The following ESRRG variants were observed in gnomAD, a reference collection of about 807,000 sequenced individuals.
ESRRG encodes estrogen-related receptor gamma.
A neutral mutation model predicts 44.0 loss-of-function variants in ESRRG; 13 were observed. The ratio of observed to expected loss-of-function variants is 0.30; its 90% confidence interval spans 0.19 to 0.47. ESRRG has a LOEUF of 0.47. Among genes scored for constraint, ESRRG ranks in the 20% least tolerant of loss-of-function variants. The pLI is 1.00. For missense variants in ESRRG, 395 were observed against 580.6 expected (o/e 0.68, Z 3.29); for synonymous variants, 215 against 214.6 (o/e 1.00, Z -0.02).
intron 1 of ESRRG, among the ~76,000 whole-genome samples, chr1:216,721,118 G>A (rs2086175792): frequency 6.6e-6 from 1 of 152,192 alleles, no homozygotes; most frequent in Non-Finnish European, 1.5e-5. Flanking sequence ...AAGCTTTCAA[G>A]TATTATGTTC....
At chr1:217,091,733 A>G (rs1038828331), upstream of ESRRG, among the ~76,000 whole-genome samples, 39 of 152,298 alleles carry the variant, frequency 2.6e-4, no homozygotes, top group Non-Finnish European at 4.7e-4. Context: ...TACCAGAGGC[A>G]TAGATGTTTC....
chr1:216,768,996 A>C (rs1013655141), intron 2 of ESRRG, among the ~76,000 whole-genome samples: 3 of 152,028 alleles, frequency 2.0e-5, no homozygotes, highest in Non-Finnish European at 2.9e-5. Context: ...TTTAATCATA[A>C]TATACTTCAA....
At position 217,085,481 on chromosome 1, in the gene ESRRG, A is replaced by ATTTTTTTTTT. The variant is rs148354268; in HGVS notation, c.-106+4016_-106+4025dup. 2.0e-3 allele frequency among the ~76,000 whole-genome samples: 96 copies of ATTTTTTTTTT among 49,132 alleles called. 5 individuals carry two copies. Among genetic ancestry groups the ATTTTTTTTTT allele is most frequent in the African/African-American group, 8.5e-3 (92 of 10,836 alleles). 32.2% of individuals were successfully genotyped at this position (49,132 alleles called of 152,430 possible). A position where few individuals can be genotyped will look rare whatever the true frequency, so the allele number is the denominator to read the frequency against. ...TTTTCTTTCTTTTTCTTTTCTTTTC[A>ATTTTTTTTTT]TTTTTTTTTTTTTTTTTTTTTTTTT... On this transcript the variant is annotated intron_variant, in intron 1 of 7. Coordinates refer to the ESRRG transcript ENST00000359162.
chr1:216,661,028 A>G (rs756921391), intron 2 of ESRRG, among the ~76,000 whole-genome samples: 2 of 152,210 alleles, frequency 1.3e-5, no homozygotes, highest in Non-Finnish European at 2.9e-5. Context: ...AAGGACTGGT[A>G]AGTGTATAAT....
chr1:216,922,211 C>T (rs1016677649), intron 2 of ESRRG, among the ~76,000 whole-genome samples: 4 of 152,128 alleles, frequency 2.6e-5, no homozygotes, highest in Admixed American at 2.6e-4. Flanking sequence ...CTTGATTTGC[C>T]ATCACAGATG....
At chr1:217,009,702 CTTTTTTTTTTT>C (rs11325118) in intron 1 of ESRRG, among the ~76,000 whole-genome samples, 1 of 106,386 alleles carries the variant, frequency 9.4e-6, no homozygotes, top group Non-Finnish European at 1.9e-5. Flanking sequence ...TTTTCTTTTT[CTTTTTTTTTTT>C]TTTTTTTTTT....
intron 5 of ESRRG, among the ~76,000 whole-genome samples, chr1:216,546,857 C>A (rs922967856): frequency 1.3e-5 from 2 of 151,542 alleles, no homozygotes; most frequent in African/African-American, 4.9e-5. Flanking sequence ...GCAGAACGTG[C>A]AGATTTGTTA....
At chr1:217,032,356 A>G (rs1408762204) in intron 1 of ESRRG, among the ~76,000 whole-genome samples, 1 of 152,140 alleles carries the variant, frequency 6.6e-6, no homozygotes, top group Admixed American at 6.5e-5. Flanking sequence ...TACTGAGTAG[A>G]TAGTGCATTC....
At chr1:216,846,692 A>G (rs1277308443) in intron 2 of ESRRG, among the ~76,000 whole-genome samples, 2 of 152,114 alleles carry the variant, frequency 1.3e-5, no homozygotes, top group African/African-American at 2.4e-5. Context: ...TCTATTATTC[A>G]TCTTAAATAT....
intron 1 of ESRRG, among the ~76,000 whole-genome samples, chr1:216,980,751 C>CTCCAGATAAA (rs2073824928): frequency 6.6e-6 from 1 of 152,208 alleles, no homozygotes; most frequent in Non-Finnish European, 1.5e-5. Flanking sequence ...GCATATCCCA[C>CTCCAGATAAA]TGCATGGCAT....
Position 216,509,662 on chromosome 1 carries a change from G to T in ESRRG, c.1133-2479C>A, listed in dbSNP as rs1054490887. 2.6e-5 allele frequency among the ~76,000 whole-genome samples: 4 copies of T among 152,176 alleles called. 1 individual carries two copies. The highest frequency in any genetic ancestry group is 9.7e-5 in the African/African-American group (4 of 41,432). ...TTTCAAACTATTCTTTCAAGGCTGT[G>T]ATTTAGCATGAGAGATTTAAAAATG... On this transcript the variant is annotated intron_variant, in intron 6 of 6. Coordinates refer to ENST00000408911, the MANE Select transcript of ESRRG (RefSeq NM_001438.4).
chr1:217,022,809 C>T (rs542406990), intron 1 of ESRRG, among the ~76,000 whole-genome samples: 1 of 151,684 alleles, frequency 6.6e-6, no homozygotes, highest in African/African-American at 2.4e-5. Context: ...GCTGTATGTG[C>T]TGGAAAGAAG....
intron 2 of ESRRG, among the ~76,000 whole-genome samples, chr1:216,752,497 T>G (rs2092116795): frequency 6.6e-6 from 1 of 152,114 alleles, no homozygotes; most frequent in Admixed American, 6.6e-5. Flanking sequence ...TTATGTTTCT[T>G]TCCTGAAGCA....
intron 2 of ESRRG, among the ~76,000 whole-genome samples, chr1:216,751,595 T>TC (rs2092011863): frequency 6.6e-6 from 1 of 151,930 alleles, no homozygotes; most frequent in Admixed American, 6.6e-5. Context: ...TCCCTTTTTT[T>TC]CCTCCCTGCT....
At chr1:216,944,539 A>G (rs2065765682) in intron 1 of ESRRG, among the ~76,000 whole-genome samples, 1 of 152,198 alleles carries the variant, frequency 6.6e-6, no homozygotes, top group South Asian at 2.1e-4. Context: ...AATGCAGTGC[A>G]AGTTCTTCTT....
chr1:217,007,161 C>T (rs1031626383), intron 1 of ESRRG, among the ~76,000 whole-genome samples: 4 of 152,008 alleles, frequency 2.6e-5, no homozygotes, highest in Admixed American at 6.6e-5. Flanking sequence ...TTTCATCACC[C>T]CATATACATG....
At chr1:216,810,229 T>C (rs942203721) in intron 2 of ESRRG, among the ~76,000 whole-genome samples, 13 of 152,184 alleles carry the variant, frequency 8.5e-5, no homozygotes, top group African/African-American at 3.1e-4. Flanking sequence ...CATGCCTCCA[T>C]GCCTTTGCGC....
chr1:216,910,285 C>G (rs1328988222), intron 2 of ESRRG, among the ~76,000 whole-genome samples: 3 of 152,022 alleles, frequency 2.0e-5, no homozygotes, highest in African/African-American at 7.2e-5. Context: ...TTTTCTCTCT[C>G]TCACATGGCT....
chr1:216,742,722 A>C (rs892281321), intron 2 of ESRRG, among the ~76,000 whole-genome samples: 1 of 152,100 alleles, frequency 6.6e-6, no homozygotes, highest in African/African-American at 2.4e-5. Context: ...TTACTGAAAA[A>C]ACAACTTCAG....
Sources: gnomAD v4.1 joint callset for allele counts (sites outside exome capture counted in the v4.1 genomes callset) on GRCh38, gnomAD v4.1.1 for gene constraint, MANE v1.5 for transcripts, NCBI Gene and HGNC (gene_info 2026-07-23, HGNC 2026-07-21) for gene names.